CHST1: variants seen among roughly 807,000 people sequenced by gnomAD.
CHST1 encodes carbohydrate sulfotransferase 1, also known as Keratan sulfotransferase.
A neutral mutation model predicts 22.5 loss-of-function variants in CHST1; 10 were observed. The ratio of observed to expected loss-of-function variants is 0.44; its 90% CI spans 0.27 to 0.75. The LOEUF is 0.75. Among genes scored for constraint, CHST1 ranks in the 30% least tolerant of loss-of-function variants. The pLI, the probability that CHST1 is intolerant of heterozygous loss-of-function variation, is 0.15. For synonymous variants in CHST1, 267 were observed against 264.5 expected, an observed-to-expected ratio of 1.01 and a Z score of -0.09; for missense variants, 439 against 576.1, an observed-to-expected ratio of 0.76 and a Z score of 2.44.
chr11:45,651,112 T>C, intron 3 of CHST1, 147 bp from the exon 4 acceptor site: 1 of 500,102 alleles, frequency 2.0e-6, no homozygotes, highest in East Asian at 3.1e-5. Context: ...AAGCAGCTTC[T>C]ACACTAGACT....
chr11:45,661,852 G>C (rs1014081483), intron 1 of CHST1, among the ~76,000 whole-genome samples: 1 of 152,166 alleles, frequency 6.6e-6, no homozygotes, highest in African/African-American at 2.4e-5. Flanking sequence ...AAGGGAGACC[G>C]GGTAAGGCAT....
rs144111807 is a variant in CHST1 at position 45,654,635 on chromosome 11, G to A, written c.-226-2029C>T. Among the ~76,000 whole-genome samples the A allele has an allele frequency of 2.5e-4, 38 of 152,370 alleles. 1 individual carries two copies. The East Asian group carries it at 6.6e-3, about 26-fold the overall frequency. On this transcript the variant is annotated intron_variant, in intron 1 of 3. Transcript: ENST00000308064. ...GCCCTCATCCTCCAAGCCAGACTGT[G>A]GCCCCCAGAGCCCATCCCTAGGCTT... is the stretch of plus-strand genomic sequence containing the variant.
chr11:45,654,222 G>C (rs1313710609), intron 1 of CHST1, among the ~76,000 whole-genome samples: 1 of 152,228 alleles, frequency 6.6e-6, no homozygotes, highest in Non-Finnish European at 1.5e-5. Context: ...TCCACCCAGA[G>C]AAACTTAAGG....
Position 45,649,425 on chromosome 11 carries a change from G to A in CHST1, c.*263C>T. 4.2e-6 allele frequency: 2 copies of A among 473,326 alleles called. No individual in the cohort carries two copies. The highest frequency in any genetic ancestry group is 7.2e-6 in the Non-Finnish European group (2 of 279,192). The allele number at this position is 473,326 out of a possible 1,614,324, so 29.3% of individuals were successfully genotyped here. On this transcript the variant is annotated 3_prime_UTR_variant, in exon 4 of 4. Coordinates refer to ENST00000308064, the MANE Select transcript of CHST1 (RefSeq NM_003654.6). ...TGTAAACATTGTCACCGTCCGCACA[G>A]AGACCCAACATCCATGTGTCTGAAT...
Position 45,649,528 on chromosome 11 carries a change from A to C in CHST1, c.*160T>G, listed in dbSNP as rs984672441. 7 of 780,370 alleles carry C rather than the reference A, an allele frequency of 9.0e-6. No homozygotes were observed. The Admixed American group carries it at 1.4e-4, about 15-fold the overall frequency. The allele number at this position is 780,370 out of a possible 1,614,324, so 48.3% of individuals were successfully genotyped here. On this transcript the variant is annotated 3_prime_UTR_variant, in exon 4 of 4. Coordinates refer to ENST00000308064, the MANE Select transcript of CHST1 (RefSeq NM_003654.6). Reference sequence around the variant, plus strand: ...CCGTCCAAGACGTAGTGCAAATTTCAGAGACAAAAAAGGGGCAGAAGGGAG... The same window carrying C: ...CCGTCCAAGACGTAGTGCAAATTTCCGAGACAAAAAAGGGGCAGAAGGGAG...
chr11:45,653,511 G>A (rs1313436541), intron 1 of CHST1, among the ~76,000 whole-genome samples: 1 of 138,300 alleles, frequency 7.2e-6, no homozygotes. Flanking sequence ...AGGGAGAAAG[G>A]CCCCTCTACT....
In CHST1 at chr11:45,649,853, G is replaced by C. The variant is rs753695109; in HGVS notation, c.1071C>G (p.Ala357=). 9.9e-6 allele frequency: 16 copies of C among 1,610,966 alleles called. No individual in the cohort carries two copies. The highest frequency in any genetic ancestry group is 1.4e-5 in the Non-Finnish European group (16 of 1,179,978). ...AGGAGAGGCGGAAGCGCCACTTCTCGGCCGTGGCCGCCGAGTTTCGCACGG... is the reference window on the plus strand; with the variant it reads ...AGGAGAGGCGGAAGCGCCACTTCTCCGCCGTGGCCGCCGAGTTTCGCACGG... ...YGTVRNSAAT[A]EKWRFRLSYD... is the part of the protein sequence containing the mutation. The change falls in exon 4 of 4, where the codon GCC becomes GCG. Residue 357 remains alanine (A), a synonymous_variant. Transcript: ENST00000308064.
At position 45,649,873 on chromosome 11, in the gene CHST1, G is replaced by T. The variant is rs748586532; in HGVS notation, c.1051C>A (p.Arg351=). ...TTCTCGGCCGTGGCCGCCGAGTTTC[G>T]CACGGTGCCGTATTTGTGCTTGCCC... is the stretch of plus-strand genomic sequence containing the variant. ...TLGKHKYGTV[R]NSAATAEKWR... is the part of the protein sequence containing the mutation. The change falls in exon 4 of 4, where the codon CGA becomes AGA. Residue 351 remains arginine, a synonymous_variant. Coordinates refer to ENST00000308064, the MANE Select transcript of CHST1 (RefSeq NM_003654.6). 2.5e-6 allele frequency: 4 copies of T among 1,610,982 alleles called. No homozygotes were observed. The highest frequency in any genetic ancestry group is 2.2e-5 in the South Asian group (2 of 91,070).
chr11:45,662,791 G>A (rs1258869442), intron 1 of CHST1, among the ~76,000 whole-genome samples: 1 of 152,180 alleles, frequency 6.6e-6, no homozygotes, highest in African/African-American at 2.4e-5. Context: ...AGGTCCGTGG[G>A]AGAAGCAGCA....
chr11:45,649,454 G>GT lies in CHST1; in HGVS notation c.*233_*234insA. 3.8e-6 allele frequency: 2 copies of GT among 526,672 alleles called. No homozygotes were observed. The highest frequency in any genetic ancestry group is 3.0e-5 in the East Asian group (1 of 32,824). The allele number at this position is 526,672 out of a possible 1,614,324, so 32.6% of individuals were successfully genotyped here. On this transcript the variant is annotated 3_prime_UTR_variant, in exon 4 of 4. Coordinates refer to ENST00000308064, the MANE Select transcript of CHST1 (RefSeq NM_003654.6). ...CCCAACATCCATGTGTCTGAATGGG[G>GT]GGGGGGGGGGCGGGACCCTACTTCA...
At chr11:45,652,441 C>T (rs1377471966) in intron 2 of CHST1, 80 bp downstream of exon 2, 1 of 152,208 alleles carries the variant, frequency 6.6e-6, no homozygotes, top group African/African-American at 2.4e-5. Context: ...TGAAATAATC[C>T]TAACCCTTTA....
rs200369325 is a variant in CHST1, at chr11:45,650,862, G to A, written c.62C>T (p.Thr21Met). The change falls in exon 4 of 4, where the codon ACG becomes ATG. Residue 21 changes from threonine (T) to methionine (M), a missense_variant. Transcript: ENST00000308064. ...LALASIAIQY[T>M]AIRTFTAKSF... ...CTTGGCGGTGAAGGTGCGGATGGCC[G>A]TGTACTGGATGGCAATGGAGGCCAG... 6.3e-7 allele frequency: 1 copy of A among 1,581,012 alleles called. No homozygotes were observed.
intron 3 of CHST1, 118 bp downstream of exon 3, chr11:45,651,875 G>T (rs1484837617): frequency 6.6e-6 from 1 of 152,418 alleles, no homozygotes; most frequent in Non-Finnish European, 1.5e-5. Flanking sequence ...AGAGTCCGGG[G>T]CCAGGAGCCC....
chr11:45,656,972 T>TA (rs959099130), intron 1 of CHST1, among the ~76,000 whole-genome samples: 1 of 152,050 alleles, frequency 6.6e-6, no homozygotes, highest in African/African-American at 2.4e-5. Flanking sequence ...CATTTCTCCC[T>TA]AAAAAACTAC....
intron 1 of CHST1, among the ~76,000 whole-genome samples, chr11:45,653,711 C>T (rs1852027248): frequency 6.6e-6 from 1 of 152,226 alleles, no homozygotes; most frequent in Non-Finnish European, 1.5e-5. Flanking sequence ...TATTTATTCA[C>T]AGACATCTAT....
chr11:45,656,733 G>A (rs1444817773), intron 1 of CHST1, among the ~76,000 whole-genome samples: 2 of 118,388 alleles, frequency 1.7e-5, no homozygotes, highest in Admixed American at 1.7e-4. Flanking sequence ...CCCCCCCCAG[G>A]CACTGCCAGC....
chr11:45,650,508 A>C lies in CHST1; in HGVS notation c.416T>G (p.Ile139Ser). 1 of 1,613,772 alleles carries C rather than the reference A, an allele frequency of 6.2e-7. No homozygotes were observed. The highest frequency in any genetic ancestry group is 8.5e-7 in the Non-Finnish European group (1 of 1,179,938). Residue 139 changes from isoleucine to serine, a missense_variant, in exon 4 of 4, where the codon ATC (isoleucine) becomes AGC (serine). By Grantham distance (142) the Ile-to-Ser change is moderately radical. Coordinates refer to ENST00000308064, the MANE Select transcript of CHST1 (RefSeq NM_003654.6). ...GGTGTGGTTGACCGGCGGCGGCTTG[A>C]TGTAGTTCTCCAGGAAGTAGAGGTC... ...DCDLYFLENY[I>S]KPPPVNHTTD...
chr11:45,654,342 A>G (rs1590690197), intron 1 of CHST1, among the ~76,000 whole-genome samples: 1 of 152,168 alleles, frequency 6.6e-6, no homozygotes, highest in Non-Finnish European at 1.5e-5. Context: ...TGGCCTGGAC[A>G]CCGAGGAGGG....
chr11:45,661,216 G>A (rs1238298494), intron 1 of CHST1, among the ~76,000 whole-genome samples: 2 of 152,340 alleles, frequency 1.3e-5, no homozygotes, highest in Admixed American at 1.3e-4. Context: ...AGCAGGAGGG[G>A]GCAGGTCCCA....
Sources: gnomAD v4.1 joint callset for allele counts (sites outside exome capture counted in the v4.1 genomes callset) on GRCh38, gnomAD v4.1.1 for gene constraint, MANE v1.5 for transcripts, NCBI Gene and HGNC (gene_info 2026-07-23, HGNC 2026-07-21) for gene names.